Variants in COL6A3 observed in about 807,000 individuals in gnomAD.
The protein encoded by COL6A3 is collagen alpha-3(VI) chain.
A neutral mutation model predicts 274.1 loss-of-function variants in COL6A3; 137 were observed. The observed-to-expected ratio is 0.50, with a 90% CI of 0.44 to 0.58. COL6A3 has a LOEUF of 0.58. Ranked by LOEUF, COL6A3 falls within the 20% of genes least tolerant of loss-of-function variation. The probability of loss-of-function intolerance (pLI) is 0.00; values close to 1 mark genes in which losing one functional copy is unlikely to be tolerated. For synonymous variants in COL6A3, 1,650 were observed against 1,650.6 expected, an observed-to-expected ratio of 1.00 and a Z score of 0.01; for missense variants, 3,950 against 4,124.9, an observed-to-expected ratio of 0.96 and a Z score of 1.16.
chr2:237,372,461 A>G, intron 8 of COL6A3, 124 bp from the exon 9 acceptor site: 1 of 1,570,988 alleles, frequency 6.4e-7, no homozygotes, highest in Non-Finnish European at 8.6e-7. Flanking sequence ...ACCACTGTTA[A>G]AAGTCCAAGA....
intron 39 of COL6A3, among the ~76,000 whole-genome samples, chr2:237,337,066 C>T (rs896738624): frequency 1.2e-4 from 18 of 151,600 alleles, no homozygotes; most frequent in Non-Finnish European, 5.9e-5. Context: ...TTTTTTTTTA[C>T]AATTTCTTGA....
rs1700442190 is a variant in COL6A3, at chr2:237,334,717, T to C, written c.9138A>G (p.Gly3046=). The C allele has an allele frequency of 6.2e-7, 1 of 1,614,058 alleles. No individual in the cohort carries two copies. The highest frequency in any genetic ancestry group is 8.5e-7 in the Non-Finnish European group (1 of 1,180,020). The part of the protein sequence containing the change: ...QNLTVTDRVI[G]GLLAGQTYHV... ...GGTATGTCTGCCCAGCGAGCAGGCC[T>C]CCAATGACGCGGTCCGTGACCGTGA... The change falls in exon 41 of 44, where the codon GGA becomes GGG. Residue 3046 remains glycine, a synonymous_variant. Transcript: ENST00000295550.
chr2:237,345,121 A>G, intron 33 of COL6A3, 27 bp from the exon 34 acceptor site: 1 of 1,614,124 alleles, frequency 6.2e-7, no homozygotes, highest in Non-Finnish European at 8.5e-7. Context: ...AAGAATATGT[A>G]AAGAGAGCAA....
At chr2:237,351,069 G>A in intron 27 of COL6A3, 61 bp downstream of exon 27, 1 of 1,490,822 alleles carries the variant, frequency 6.7e-7, no homozygotes, top group Non-Finnish European at 9.4e-7. Flanking sequence ...AAGAGGGAGA[G>A]GGGCATGTGT....
chr2:237,389,187 C>T (rs759451491), intron 3 of COL6A3, among the ~76,000 whole-genome samples: 24 of 152,116 alleles, frequency 1.6e-4, no homozygotes, highest in Admixed American at 7.9e-4. Flanking sequence ...ATGCTGAGAA[C>T]GGGGTTATAT....
chr2:237,353,003 G>A lies in COL6A3; in HGVS notation c.6690+338C>T, dbSNP rs561331091. ...TGTGGATGAAGCTCAAGAACATGAT[G>A]CTCCGTCAAGCCACACACACAAAGC... On this transcript the variant is annotated intron_variant, in intron 25 of 43. Coordinates refer to ENST00000295550, the MANE Select transcript of COL6A3 (RefSeq NM_004369.4). Among the ~76,000 whole-genome samples the A allele has an allele frequency of 2.6e-5, 4 of 152,318 alleles. No homozygotes were observed. The South Asian group carries it at 8.3e-4, about 32-fold the overall frequency.
intron 9 of COL6A3, 102 bp from the exon 10 acceptor site, chr2:237,369,279 A>T: frequency 2.1e-6 from 3 of 1,453,428 alleles, no homozygotes; most frequent in Non-Finnish European, 2.8e-6. Context: ...CCTTAAGATT[A>T]TATCCCAAGA....
At chr2:237,403,686 G>A (rs936912358) in intron 1 of COL6A3, among the ~76,000 whole-genome samples, 1 of 152,108 alleles carries the variant, frequency 6.6e-6, no homozygotes, top group Non-Finnish European at 1.5e-5. Context: ...CAATGTAGAA[G>A]AGCAGTCTCC....
rs576927299 is a variant in COL6A3, at chr2:237,364,249, C to T, written c.5917+101G>A. The T allele has an allele frequency of 2.9e-5, 27 of 931,806 alleles. No homozygotes were observed. The African/African-American group carries it at 4.2e-4, about 14-fold the overall frequency. 57.7% of individuals were successfully genotyped at this position (931,806 alleles called of 1,614,324 possible). On this transcript the variant is annotated intron_variant, in intron 13 of 43. Transcript: ENST00000295550. The surrounding 1 kb of genome is among the most constrained non-coding windows in gnomAD (Gnocchi z 4.6). ...AGAGTCTCCCAAGACAACGCTGCTC[C>T]CTTGGGGCGCTGCATTAGCAGAGAG...
At chr2:237,333,368 C>A in intron 42 of COL6A3, 82 bp downstream of exon 42, 1 of 1,347,014 alleles carries the variant, frequency 7.4e-7, no homozygotes, top group East Asian at 2.3e-5. Context: ...TGGGCTAAGA[C>A]TTAGAACCCA....
chr2:237,348,964 G>A (rs144548056), intron 28 of COL6A3, among the ~76,000 whole-genome samples: 11 of 152,228 alleles, frequency 7.2e-5, no homozygotes, highest in African/African-American at 1.9e-4. Context: ...TCAAAGACTC[G>A]TCAACCCCAA....
At chr2:237,393,547 A>G (rs2078345858) in intron 3 of COL6A3, among the ~76,000 whole-genome samples, 1 of 152,072 alleles carries the variant, frequency 6.6e-6, no homozygotes, top group African/African-American at 2.4e-5. Flanking sequence ...TCTGGAGCTC[A>G]ACTCTCCCCC....
rs2077673950 is a variant in COL6A3, at chr2:237,371,068, A to G, written c.4285+664T>C. Among the ~76,000 whole-genome samples, 1 of 152,202 alleles carries G rather than the reference A, an allele frequency of 6.6e-6. No homozygotes were observed. The highest frequency in any genetic ancestry group is 2.4e-5 in the African/African-American group (1 of 41,446). On this transcript the variant is annotated intron_variant, in intron 9 of 43. Coordinates refer to ENST00000295550, the MANE Select transcript of COL6A3 (RefSeq NM_004369.4). This position sits in a 1 kb window ranked among gnomAD's most constrained non-coding sequence, Gnocchi z 4.3. ...TCTAGGTAAGACTTAAGATACAGCT[A>G]CAGAATCACCTCCACGTCTTGACAA...
chr2:237,398,310 C>A (rs931037581), intron 1 of COL6A3, among the ~76,000 whole-genome samples: 1 of 152,208 alleles, frequency 6.6e-6, no homozygotes, highest in Non-Finnish European at 1.5e-5. Flanking sequence ...CTCTGGGGGC[C>A]GCACACATGA....
At chr2:237,412,243 C>T (rs1339436601) in intron 1 of COL6A3, among the ~76,000 whole-genome samples, 2 of 152,232 alleles carry the variant, frequency 1.3e-5, no homozygotes, top group African/African-American at 4.8e-5. Flanking sequence ...CAGCGCCCTC[C>T]ACCCCCAGGA....
intron 1 of COL6A3, among the ~76,000 whole-genome samples, chr2:237,410,592 ACAGTGCC>A (rs2078834487): frequency 6.6e-6 from 1 of 152,176 alleles, no homozygotes; most frequent in Admixed American, 6.5e-5. Context: ...GAGATGAGCC[ACAGTGCC>A]CAGCCCTCAA....
chr2:237,401,163 G>T (rs948481527), intron 1 of COL6A3, among the ~76,000 whole-genome samples: 1 of 152,144 alleles, frequency 6.6e-6, no homozygotes, highest in African/African-American at 2.4e-5. Flanking sequence ...GTGGGGAAAG[G>T]CTAGCCTCCA....
Position 237,325,726 on chromosome 2 carries a change from T to G in COL6A3, c.9329-2A>C. ...CGTCTTTCGGCAACTTGCATATATC[T>G]TTAATAAAAACATGAGAAAAGGATA... On this transcript the variant is annotated splice_acceptor_variant, in intron 42 of 43. Coordinates refer to ENST00000295550, the MANE Select transcript of COL6A3 (RefSeq NM_004369.4). LOFTEE classifies it high-confidence loss of function. 3 of 1,612,724 alleles carry G rather than the reference T, an allele frequency of 1.9e-6. No homozygotes were observed. Among genetic ancestry groups the G allele is most frequent in the Non-Finnish European group, 2.5e-6 (3 of 1,179,342 alleles).
chr2:237,411,263 T>C, intron 1 of COL6A3, among the ~76,000 whole-genome samples: 1 of 152,202 alleles, frequency 6.6e-6, no homozygotes, highest in East Asian at 1.9e-4. Context: ...ATAAAAATTT[T>C]TGCTAAAGCT....
Sources: gnomAD v4.1 joint callset for allele counts (sites outside exome capture counted in the v4.1 genomes callset) on GRCh38, gnomAD v4.1.1 for gene constraint, Gnocchi (gnomAD v3.1) non-coding constraint, MANE v1.5 for transcripts, NCBI Gene and HGNC (gene_info 2026-07-23, HGNC 2026-07-21) for gene names.